Variants in FSTL5 observed in about 807,000 individuals in gnomAD.
FSTL5 encodes follistatin-related protein 5.
In FSTL5, 62 loss-of-function variants were observed where a neutral mutation model predicts 89.1. The observed-to-expected ratio is 0.70, with a 90% CI of 0.57 to 0.86. The LOEUF is 0.86. Among genes scored for constraint, FSTL5 ranks in the 40% least tolerant of loss-of-function variants. FSTL5 has a pLI of 0.00. For missense variants in FSTL5, 1,057 were observed against 1,001.6 expected (o/e 1.06, Z -0.75); for synonymous variants, 383 against 346.2 (o/e 1.11, Z -1.18).
At position 161,538,193 on chromosome 4, in the gene FSTL5, AAAGAG is replaced by A. The variant is rs1360762964; in HGVS notation, c.1280_1284del (p.Ser427PhefsTer7). On this transcript the variant is annotated frameshift_variant, in exon 10 of 16. Coordinates refer to ENST00000306100, the MANE Select transcript of FSTL5 (RefSeq NM_020116.5). LOFTEE classifies it high-confidence loss of function. ...GTCTTTCTAGCAGAGTCTTCCACAAAAAGAGAAGAGATGTCTTCATCCACTCCTGC... is the reference window on the plus strand; with the variant it reads ...GTCTTTCTAGCAGAGTCTTCCACAAAAAGAGATGTCTTCATCCACTCCTGC... 6.2e-7 allele frequency: 1 copy of A among 1,613,922 alleles called. No individual in the cohort carries two copies. Among genetic ancestry groups the A allele is most frequent in the Non-Finnish European group, 8.5e-7 (1 of 1,179,962 alleles).
chr4:161,738,344 A>G (rs1297547384), intron 6 of FSTL5, among the ~76,000 whole-genome samples: 1 of 152,054 alleles, frequency 6.6e-6, no homozygotes, highest in African/African-American at 2.4e-5. Flanking sequence ...AAGCCTTTAC[A>G]ATACATATGA....
intron 2 of FSTL5, among the ~76,000 whole-genome samples, chr4:162,052,152 T>C (rs1738398097): frequency 6.6e-6 from 1 of 151,594 alleles, no homozygotes; most frequent in African/African-American, 2.4e-5. Flanking sequence ...GTTATTACAT[T>C]CTAATAAGTC....
intron 2 of FSTL5, among the ~76,000 whole-genome samples, chr4:162,037,427 T>C (rs1279431606): frequency 6.6e-6 from 1 of 151,930 alleles, no homozygotes; most frequent in Non-Finnish European, 1.5e-5. Context: ...TTTAAGTGCA[T>C]GGCTTTTTGC....
intron 4 of FSTL5, among the ~76,000 whole-genome samples, chr4:161,800,866 C>T (rs1031263386): frequency 6.6e-6 from 1 of 151,260 alleles, no homozygotes; most frequent in Non-Finnish European, 1.5e-5. Context: ...CCACACAATC[C>T]CTTACAATAA....
At chr4:161,724,715 A>G (rs536631858) in intron 6 of FSTL5, among the ~76,000 whole-genome samples, 7 of 152,338 alleles carry the variant, frequency 4.6e-5, no homozygotes, top group Admixed American at 2.6e-4. Flanking sequence ...TTAAAGATAT[A>G]CCCTTGCTAA....
chr4:161,903,935 C>T (rs1733447604), intron 4 of FSTL5, among the ~76,000 whole-genome samples: 1 of 151,658 alleles, frequency 6.6e-6, no homozygotes, highest in African/African-American at 2.4e-5. Flanking sequence ...GAAAATGAAA[C>T]CTAAACTTAT....
chr4:161,423,784 A>C (rs187058928), intron 15 of FSTL5, among the ~76,000 whole-genome samples: 1 of 152,148 alleles, frequency 6.6e-6, no homozygotes, highest in African/African-American at 2.4e-5. Context: ...TCCAAAGCCA[A>C]CTTGAAAGTG....
intron 2 of FSTL5, among the ~76,000 whole-genome samples, chr4:162,079,594 T>C (rs1730007369): frequency 6.6e-6 from 1 of 151,590 alleles, no homozygotes; most frequent in Non-Finnish European, 1.5e-5. Context: ...TATTTGATTA[T>C]GGTAAAAATC....
intron 2 of FSTL5, among the ~76,000 whole-genome samples, chr4:162,084,001 G>C (rs1730205328): frequency 1.3e-5 from 2 of 151,778 alleles, no homozygotes; most frequent in African/African-American, 4.8e-5. Context: ...ATCTCAATGT[G>C]TATTTGTGGG....
At chr4:161,542,471 A>G (rs1731854118) in intron 9 of FSTL5, 61 bp downstream of exon 9, 2 of 1,122,020 alleles carry the variant, frequency 1.8e-6, no homozygotes, top group African/African-American at 1.6e-5. Context: ...AGAACGTTAT[A>G]AATTTTAGTA....
chr4:161,994,139 A>T (rs1364592778), intron 3 of FSTL5, among the ~76,000 whole-genome samples: 1 of 152,156 alleles, frequency 6.6e-6, no homozygotes, highest in Non-Finnish European at 1.5e-5. Context: ...AAGTGAGAAC[A>T]TGTGGTATTT....
intron 4 of FSTL5, among the ~76,000 whole-genome samples, chr4:161,840,788 C>G (rs530686863): frequency 1.5e-3 from 228 of 152,244 alleles, no homozygotes; most frequent in African/African-American, 5.3e-3. Flanking sequence ...TTTTCCAGAT[C>G]TTTTATTAAC....
chr4:161,434,760 G>A lies in FSTL5; in HGVS notation c.1841+20244C>T, dbSNP rs1401484292. Reference sequence around the variant, plus strand: ...CTAATAATCCAGTTAAAACTAACTGGGCAAAAGATGTGAATATGCATTTCT... The same window carrying A: ...CTAATAATCCAGTTAAAACTAACTGAGCAAAAGATGTGAATATGCATTTCT... On this transcript the variant is annotated intron_variant, in intron 15 of 15. Coordinates refer to ENST00000306100, the MANE Select transcript of FSTL5 (RefSeq NM_020116.5). Among the ~76,000 whole-genome samples, 5 of 151,878 alleles carry A rather than the reference G, an allele frequency of 3.3e-5. No individual in the cohort carries two copies. In the East Asian group the frequency reaches 9.7e-4, roughly 29 times the overall value.
At chr4:161,508,623 A>G (rs1730558344) in intron 11 of FSTL5, among the ~76,000 whole-genome samples, 2 of 152,160 alleles carry the variant, frequency 1.3e-5, no homozygotes, top group African/African-American at 2.4e-5. Flanking sequence ...ATTTTAATTA[A>G]TCTGAAAGCT....
intron 6 of FSTL5, among the ~76,000 whole-genome samples, chr4:161,675,599 G>A (rs1325861570): frequency 2.0e-5 from 3 of 151,548 alleles, no homozygotes; most frequent in Admixed American, 6.6e-5. Flanking sequence ...AAATTTGGAT[G>A]CATTAATTTC....
intron 10 of FSTL5, among the ~76,000 whole-genome samples, chr4:161,532,793 T>C (rs1291244229): frequency 6.6e-6 from 1 of 152,098 alleles, no homozygotes; most frequent in Non-Finnish European, 1.5e-5. Context: ...TATACATTCT[T>C]CTCTTTTGCC....
intron 3 of FSTL5, among the ~76,000 whole-genome samples, chr4:161,942,384 C>A (rs1734612331): frequency 6.6e-6 from 1 of 151,716 alleles, no homozygotes; most frequent in Non-Finnish European, 1.5e-5. Flanking sequence ...TAGCTTGACT[C>A]ACTAAGAGAA....
chr4:161,853,054 T>C (rs1481257035), intron 4 of FSTL5, among the ~76,000 whole-genome samples: 1 of 152,224 alleles, frequency 6.6e-6, no homozygotes, highest in Non-Finnish European at 1.5e-5. Flanking sequence ...ATTTTTCATT[T>C]ATGTATTATT....
chr4:161,694,983 G>C (rs1738087882), intron 6 of FSTL5, among the ~76,000 whole-genome samples: 1 of 150,294 alleles, frequency 6.7e-6, no homozygotes, highest in Admixed American at 6.7e-5. Context: ...TTAAAAAATA[G>C]AAAAAAAATG....
Sources: allele counts gnomAD v4.1 joint callset (sites outside exome capture counted in the v4.1 genomes callset), GRCh38; gene constraint gnomAD v4.1.1; transcripts MANE v1.5; gene names NCBI Gene and HGNC (gene_info 2026-07-23, HGNC 2026-07-21).